CDKL4: variants seen among roughly 807,000 people sequenced by gnomAD.
The protein encoded by CDKL4 is cyclin-dependent kinase-like 4.
In CDKL4, 44 loss-of-function variants were observed where a neutral mutation model predicts 42.0. The ratio of observed to expected loss-of-function variants is 1.05; its 90% CI spans 0.82 to 1.35. The LOEUF (loss-of-function observed/expected upper bound fraction) is 1.35. Ranked by LOEUF, CDKL4 falls within the 40% of genes most tolerant of loss-of-function variation. The pLI is 0.00. For synonymous variants in CDKL4, 120 were observed against 121.6 expected (o/e 0.99, Z 0.09); for missense variants, 393 against 369.9 (o/e 1.06, Z -0.51).
chr2:39,174,818 T>A (rs1675102195), downstream of CDKL4, among the ~76,000 whole-genome samples: 1 of 152,212 alleles, frequency 6.6e-6, no homozygotes, highest in Non-Finnish European at 1.5e-5. Flanking sequence ...ATATTCTGCA[T>A]CATTTTTGAT....
chr2:39,227,964 A>T (rs1678859387), intron 2 of CDKL4, among the ~76,000 whole-genome samples: 2 of 152,224 alleles, frequency 1.3e-5, no homozygotes, highest in African/African-American at 4.8e-5. Context: ...CTGATCACAG[A>T]AGGAGCTGTT....
At chr2:39,224,280 A>G (rs1245730660) in intron 3 of CDKL4, among the ~76,000 whole-genome samples, 1 of 152,046 alleles carries the variant, frequency 6.6e-6, no homozygotes, top group Non-Finnish European at 1.5e-5. Flanking sequence ...AAAATACCCT[A>G]TTGGTATTCT....
intron 1 of CDKL4, among the ~76,000 whole-genome samples, chr2:39,229,902 C>T (rs987210945): frequency 3.3e-5 from 5 of 152,212 alleles, no homozygotes; most frequent in African/African-American, 1.2e-4. Flanking sequence ...AAATATGATG[C>T]TGTAAAATCC....
intron 3 of CDKL4, among the ~76,000 whole-genome samples, chr2:39,216,481 T>G (rs1677924756): frequency 6.6e-6 from 1 of 152,052 alleles, no homozygotes; most frequent in Non-Finnish European, 1.5e-5. Flanking sequence ...TCAAAACCAT[T>G]GAAAGAAATC....
chr2:39,209,675 C>G (rs1677462880), intron 4 of CDKL4, among the ~76,000 whole-genome samples: 1 of 152,148 alleles, frequency 6.6e-6, no homozygotes, highest in South Asian at 2.1e-4. Context: ...CTTTAACCTG[C>G]AGTGTCCTGT....
intron 4 of CDKL4, among the ~76,000 whole-genome samples, chr2:39,207,102 C>T (rs75740391): frequency 0.041 from 6,267 of 152,218 alleles, 207 homozygotes; most frequent in African/African-American, 0.085. Context: ...AAAAAATACA[C>T]AGGCTGGGCA....
chr2:39,200,371 C>G (rs1220415463), intron 5 of CDKL4, among the ~76,000 whole-genome samples: 1 of 152,172 alleles, frequency 6.6e-6, no homozygotes, highest in Non-Finnish European at 1.5e-5. Flanking sequence ...ATCCTATGCT[C>G]ATGGATGGGT....
At chr2:39,187,934 G>A (rs1182586099) in intron 6 of CDKL4, among the ~76,000 whole-genome samples, 2 of 151,830 alleles carry the variant, frequency 1.3e-5, no homozygotes, top group Non-Finnish European at 2.9e-5. Context: ...CAAGCGTGGT[G>A]GTCCATGCCT....
Position 39,179,378 on chromosome 2 carries a change from G to T in CDKL4, c.793-57C>A, listed in dbSNP as rs376259279. 8.7e-6 allele frequency: 12 copies of T among 1,375,122 alleles called. No individual in the cohort carries two copies. The Admixed American group carries it at 2.2e-4, about 25-fold the overall frequency. The allele number at this position is 1,375,122 out of a possible 1,614,324, so 85.2% of individuals were successfully genotyped here. On this transcript the variant is annotated intron_variant, in intron 8 of 9. Coordinates refer to ENST00000451199, the Ensembl canonical transcript of CDKL4. ...TAAGGGAGGGGCTCATTTTGTTACC[G>T]TGCCCACAAACTGAATAACTTGCTA...
the CDKL4 span, among the ~76,000 whole-genome samples, chr2:39,170,296 GAAAGAAAAGAAAAGAAAAGA>G: frequency 3.0e-5 from 4 of 135,398 alleles, no homozygotes; most frequent in South Asian, 2.3e-4. Flanking sequence ...AAAAAAAAAA[GAAAGAAAAGAAAAGAAAAGA>G]AAAGAAAAGA....
In CDKL4 at chr2:39,236,740, A is replaced by T. The variant is rs115217153; in HGVS notation, c.-57+7131T>A. Among the ~76,000 whole-genome samples, 1,107 of 150,838 alleles carry T rather than the reference A, an allele frequency of 7.3e-3. 12 individuals are homozygous for T. The highest frequency in any genetic ancestry group is 0.024 in the African/African-American group (963 of 40,264). ...AAATTAGGACCATACTACAGAAATT[A>T]AAAAAAATGACAATATTCCAAACAA... On this transcript the variant is annotated intron_variant, in intron 1 of 9. Coordinates refer to ENST00000451199, the Ensembl canonical transcript of CDKL4.
intron 5 of CDKL4, among the ~76,000 whole-genome samples, chr2:39,203,498 G>T (rs959377175): frequency 6.6e-6 from 1 of 152,124 alleles, no homozygotes; most frequent in Admixed American, 6.5e-5. Flanking sequence ...CCATGCATTG[G>T]ATGACTATCA....
intron 9 of CDKL4, among the ~76,000 whole-genome samples, chr2:39,178,071 T>G (rs535524909): frequency 1.1e-4 from 17 of 152,370 alleles, no homozygotes; most frequent in African/African-American, 4.1e-4. Context: ...TTTAATTTTT[T>G]TTGTTGTTAT....
At chr2:39,183,949 A>C (rs897838834) in intron 8 of CDKL4, among the ~76,000 whole-genome samples, 4 of 152,228 alleles carry the variant, frequency 2.6e-5, no homozygotes, top group Non-Finnish European at 5.9e-5. Context: ...CCCACCGTCT[A>C]GATCAGATGA....
At chr2:39,240,622 C>T (rs544648678) in intron 1 of CDKL4, among the ~76,000 whole-genome samples, 3 of 139,166 alleles carry the variant, frequency 2.2e-5, no homozygotes, top group South Asian at 2.3e-4. Context: ...ATCCATGCAA[C>T]GAAATACTAT....
intron 7 of CDKL4, among the ~76,000 whole-genome samples, chr2:39,187,400 G>T (rs2148296069): frequency 6.6e-6 from 1 of 152,142 alleles, no homozygotes; most frequent in Non-Finnish European, 1.5e-5. Flanking sequence ...AAAGAAACAG[G>T]CCAGGCATGG....
At chr2:39,192,347 T>C (rs1676237339) in intron 5 of CDKL4, among the ~76,000 whole-genome samples, 1 of 152,096 alleles carries the variant, frequency 6.6e-6, no homozygotes, top group African/African-American at 2.4e-5. Context: ...GTCTTTTTCT[T>C]ATTTACAGCA....
chr2:39,172,870 C>T (rs1054872829), downstream of CDKL4, among the ~76,000 whole-genome samples: 9 of 152,348 alleles, frequency 5.9e-5, no homozygotes, highest in African/African-American at 1.9e-4. Context: ...GCATGAGCCA[C>T]TGCACCTGGC....
downstream of CDKL4, chr2:39,175,638 G>T (rs548509374): frequency 5.8e-6 from 1 of 171,882 alleles, no homozygotes; most frequent in Non-Finnish European, 1.3e-5. Context: ...ATTGCTTTAA[G>T]AAATTATGTG....
Sources: gnomAD v4.1 joint callset for allele counts (sites outside exome capture counted in the v4.1 genomes callset) on GRCh38, gnomAD v4.1.1 for gene constraint, MANE v1.5 for transcripts, NCBI Gene and HGNC (gene_info 2026-07-23, HGNC 2026-07-21) for gene names.